Variants in EXOC2 observed in about 807,000 individuals in gnomAD.
EXOC2 encodes the protein exocyst complex component 2, also known as SEC5-like 1.
In EXOC2, 70 loss-of-function variants were observed where a neutral mutation model predicts 131.8. That is an observed-to-expected ratio of 0.53 (90% CI 0.44 to 0.65). EXOC2 has a LOEUF of 0.65. EXOC2 is among the 30% of genes least tolerant of loss of function. The pLI, the probability that EXOC2 is intolerant of heterozygous loss-of-function variation, is 0.00. For missense variants in EXOC2, 923 were observed against 1,108.6 expected (o/e 0.83, Z 2.38); for synonymous variants, 411 against 398.4 (o/e 1.03, Z -0.38).
At position 549,273 on chromosome 6, in the gene EXOC2, C is replaced by T; in HGVS notation, c.2140G>A (p.Val714Ile). Reference sequence around the variant, plus strand: ...TCTAGATAGCAGCAATTACTTAGGACTATCAAAAGGCGCTGTTCCTAAAAG... The same window carrying T: ...TCTAGATAGCAGCAATTACTTAGGATTATCAAAAGGCGCTGTTCCTAAAAG... Reference protein sequence around the residue: ...SLTSEQRLLIVLSNCCYLERH... With the variant: ...SLTSEQRLLIILSNCCYLERH... The change falls in exon 22 of 28, where the codon GTC becomes ATC. Residue 714 changes from valine (V) to isoleucine (I), a missense_variant. Val to Ile is a conservative substitution (Grantham distance 29, BLOSUM62 3). Coordinates refer to ENST00000230449, the MANE Select transcript of EXOC2 (RefSeq NM_018303.6). 2 of 1,613,998 alleles carry T rather than the reference C, an allele frequency of 1.2e-6. No individual in the cohort carries two copies. The highest frequency in any genetic ancestry group is 1.7e-6 in the Non-Finnish European group (2 of 1,179,890).
chr6:625,266 G>C (rs1346521398), intron 4 of EXOC2, among the ~76,000 whole-genome samples: 2 of 152,188 alleles, frequency 1.3e-5, no homozygotes, highest in African/African-American at 4.8e-5. Flanking sequence ...CAAATCAATG[G>C]GCCTCCTTCT....
intron 1 of EXOC2, among the ~76,000 whole-genome samples, chr6:658,688 T>A (rs1763276400): frequency 7.8e-6 from 1 of 127,596 alleles, no homozygotes; most frequent in Non-Finnish European, 1.7e-5. Context: ...TTAGACGAAG[T>A]CTTGCTTTTG....
At chr6:570,464 T>C (rs981922456) in intron 13 of EXOC2, among the ~76,000 whole-genome samples, 1 of 152,150 alleles carries the variant, frequency 6.6e-6, no homozygotes, top group African/African-American at 2.4e-5. Flanking sequence ...TTTAGATGAG[T>C]TGATTCAGCT....
At chr6:688,976 C>T (rs1324048710) in intron 1 of EXOC2, among the ~76,000 whole-genome samples, 1 of 152,194 alleles carries the variant, frequency 6.6e-6, no homozygotes, top group African/African-American at 2.4e-5. Context: ...TTTAAAAATT[C>T]ATCCATGCTT....
chr6:495,137 T>G (rs1197138450), intron 25 of EXOC2, among the ~76,000 whole-genome samples: 3 of 151,678 alleles, frequency 2.0e-5, no homozygotes, highest in African/African-American at 7.3e-5. Flanking sequence ...CTTTTTTTTT[T>G]TTTTTTGAGA....
At chr6:586,248 G>A (rs534320314) in intron 11 of EXOC2, among the ~76,000 whole-genome samples, 1 of 152,298 alleles carries the variant, frequency 6.6e-6, no homozygotes, top group Admixed American at 6.5e-5. Context: ...TCAAGAGAGA[G>A]GTGGCATCCG....
At chr6:531,431 A>AGAAAAGTGTGTGCACAGAAAAGCACC (rs1766079692) in intron 23 of EXOC2, among the ~76,000 whole-genome samples, 2 of 8,240 alleles carry the variant, frequency 2.4e-4, no homozygotes, top group African/African-American at 2.0e-3. Context: ...AGAAAAGCAC[A>AGAAAAGTGTGTGCACAGAAAAGCACC]TGAGGAATAA....
chr6:627,061 G>A (rs1232228215), intron 4 of EXOC2, among the ~76,000 whole-genome samples: 2 of 152,034 alleles, frequency 1.3e-5, no homozygotes, highest in Non-Finnish European at 1.5e-5. Flanking sequence ...ATCCTGACCT[G>A]AGTACAATAC....
chr6:499,589 C>T (rs1297041783), intron 24 of EXOC2, 56 bp downstream of exon 24: 2 of 1,447,700 alleles, frequency 1.4e-6, no homozygotes, highest in African/African-American at 2.9e-5. Flanking sequence ...TTACATCTTT[C>T]TTTTTTCTTT....
At chr6:575,876 T>C (rs554907058) in intron 12 of EXOC2, among the ~76,000 whole-genome samples, 85 of 152,288 alleles carry the variant, frequency 5.6e-4, no homozygotes, top group African/African-American at 2.0e-3. Context: ...TGATCTAACA[T>C]TGTTTGTTCT....
chr6:491,151 C>T lies in EXOC2; in HGVS notation c.2595G>A (p.Val865=), dbSNP rs751172191. Residue 865 remains valine, a synonymous_variant, in exon 26 of 28, where the codon GTG becomes GTA. Coordinates refer to ENST00000230449, the MANE Select transcript of EXOC2 (RefSeq NM_018303.6). ...TGCTTTCGGGTGTCAGGTAAACAGC[C>T]ACAGTGTCCCTCAAAGCACAGATTT... ...RLEICALRDT[V]AVYLTPESKS... The T allele has an allele frequency of 6.2e-7, 1 of 1,614,096 alleles. No individual in the cohort carries two copies. Among genetic ancestry groups the T allele is most frequent in the Admixed American group, 1.7e-5 (1 of 60,026 alleles).
Position 675,649 on chromosome 6 carries a change from G to A in EXOC2, c.-44+17370C>T, listed in dbSNP as rs1243565259. 2.9e-4 allele frequency among the ~76,000 whole-genome samples: 6 copies of A among 20,620 alleles called. 1 individual carries two copies. The highest frequency in any genetic ancestry group is 6.3e-4 in the African/African-American group (6 of 9,540). 13.5% of individuals were successfully genotyped at this position (20,620 alleles called of 152,430 possible). ...TACAGAAAGGACAGGTTCCTCTGGC[G>A]ACTGCAGTTCCCCATACTCTTCAAC... On this transcript the variant is annotated intron_variant, in intron 1 of 27. Transcript: ENST00000230449.
intron 11 of EXOC2, among the ~76,000 whole-genome samples, chr6:586,099 G>A (rs958643668): frequency 2.0e-5 from 3 of 152,164 alleles, no homozygotes; most frequent in South Asian, 2.1e-4. Context: ...AATTTCTTAC[G>A]GTAGTAATTG....
At chr6:679,771 T>G (rs995962848) in intron 1 of EXOC2, among the ~76,000 whole-genome samples, 6 of 152,104 alleles carry the variant, frequency 3.9e-5, no homozygotes, top group African/African-American at 1.4e-4. Context: ...ATGAAAAACA[T>G]GCGAAACCAA....
intron 12 of EXOC2, among the ~76,000 whole-genome samples, chr6:573,689 T>C (rs1261886395): frequency 6.7e-6 from 1 of 149,458 alleles, no homozygotes; most frequent in African/African-American, 2.5e-5. Flanking sequence ...TTAAGAAATT[T>C]TATTAATAAA....
intron 1 of EXOC2, among the ~76,000 whole-genome samples, chr6:651,560 A>G (rs1382607180): frequency 6.6e-6 from 1 of 152,052 alleles, no homozygotes; most frequent in African/African-American, 2.4e-5. Context: ...AAGCTGAGGT[A>G]TGAGAATCAC....
chr6:561,994 G>GA lies in EXOC2; in HGVS notation c.1851+789dup, dbSNP rs202210666. On this transcript the variant is annotated intron_variant, in intron 17 of 27. Coordinates refer to ENST00000230449, the MANE Select transcript of EXOC2 (RefSeq NM_018303.6). ...ATGTGTTCTGACCAATTAGATGGAGGAGAGTTGCAAGTTATGGCTCCTGGG... is the reference window on the plus strand; with the variant it reads ...ATGTGTTCTGACCAATTAGATGGAGGAAGAGTTGCAAGTTATGGCTCCTGGG... Among the ~76,000 whole-genome samples, 1,053 of 152,346 alleles carry GA rather than the reference G, an allele frequency of 6.9e-3. 15 individuals are homozygous for GA. Among genetic ancestry groups the GA allele is most frequent in the African/African-American group, 0.023 (960 of 41,582 alleles).
At chr6:609,525 C>A (rs1484190992) in intron 7 of EXOC2, among the ~76,000 whole-genome samples, 1 of 152,186 alleles carries the variant, frequency 6.6e-6, no homozygotes, top group Non-Finnish European at 1.5e-5. Flanking sequence ...AGAAAAAGGA[C>A]AGACAAGGGA....
At chr6:677,388 T>C (rs1440884081) in intron 1 of EXOC2, among the ~76,000 whole-genome samples, 4 of 152,280 alleles carry the variant, frequency 2.6e-5, no homozygotes, top group Admixed American at 6.5e-5. Flanking sequence ...GGAATAAACA[T>C]GGCTCTTGCC....
Sources: gnomAD v4.1 joint callset for allele counts (sites outside exome capture counted in the v4.1 genomes callset) on GRCh38, gnomAD v4.1.1 for gene constraint, MANE v1.5 for transcripts, NCBI Gene and HGNC (gene_info 2026-07-23, HGNC 2026-07-21) for gene names.